The following LRBA variants were observed in gnomAD, a reference collection of about 807,000 sequenced individuals.
LRBA encodes the protein lipopolysaccharide-responsive and beige-like anchor protein.
Under a neutral mutation model 330.0 loss-of-function variants are expected in LRBA, and 176 were observed. The observed-to-expected ratio is 0.53, with a 90% confidence interval of 0.47 to 0.60. LRBA has a LOEUF of 0.60. Among genes scored for constraint, LRBA ranks in the 20% least tolerant of loss-of-function variants. The pLI is 0.00. For synonymous variants in LRBA, 1,230 were observed against 1,193.0 expected, an observed-to-expected ratio of 1.03 and a Z score of -0.64; for missense variants, 3,259 against 3,444.8, an observed-to-expected ratio of 0.95 and a Z score of 1.35.
At chr4:150,997,243 T>C (rs539341130) in intron 2 of LRBA, among the ~76,000 whole-genome samples, 6 of 152,314 alleles carry the variant, frequency 3.9e-5, no homozygotes, top group East Asian at 3.9e-4. Flanking sequence ...CTTGGCTAAA[T>C]TGAAAATTTT....
At chr4:150,909,432 A>C (rs1380238514) in intron 9 of LRBA, among the ~76,000 whole-genome samples, 3 of 152,130 alleles carry the variant, frequency 2.0e-5, no homozygotes, top group African/African-American at 7.2e-5. Flanking sequence ...CAGTTCCTCC[A>C]TGTTTTAGCT....
At chr4:150,887,762 C>T (rs1377032796) in intron 17 of LRBA, among the ~76,000 whole-genome samples, 4 of 104,376 alleles carry the variant, frequency 3.8e-5, no homozygotes, top group Admixed American at 3.2e-4. Flanking sequence ...GAGCACGACT[C>T]CGTCTCAAAA....
At chr4:150,467,469 T>C (rs1415144781) in intron 44 of LRBA, among the ~76,000 whole-genome samples, 3 of 152,120 alleles carry the variant, frequency 2.0e-5, no homozygotes, top group Admixed American at 2.0e-4. Context: ...ATGCACTGAA[T>C]ATCAGTGCTA....
At chr4:150,268,043 G>C (rs1196541317) in intron 56 of LRBA, among the ~76,000 whole-genome samples, 1 of 142,858 alleles carries the variant, frequency 7.0e-6, no homozygotes, top group Admixed American at 7.3e-5. Context: ...CTGGGTGATA[G>C]AGTGAGACTC....
intron 37 of LRBA, among the ~76,000 whole-genome samples, chr4:150,620,608 T>C (rs1009190616): frequency 1.3e-5 from 2 of 152,206 alleles, no homozygotes; most frequent in Non-Finnish European, 2.9e-5. Context: ...GTATACACCA[T>C]GGAATACTAC....
At chr4:150,507,508 G>A (rs974150777) in intron 40 of LRBA, among the ~76,000 whole-genome samples, 2 of 152,150 alleles carry the variant, frequency 1.3e-5, no homozygotes, top group Admixed American at 6.5e-5. Context: ...ATGGTGCTGG[G>A]AAAACTGGCT....
intron 47 of LRBA, among the ~76,000 whole-genome samples, chr4:150,403,201 G>A (rs1020909724): frequency 2.0e-5 from 3 of 152,210 alleles, no homozygotes; most frequent in African/African-American, 4.8e-5. Flanking sequence ...GGCAGGGGAG[G>A]GGTTACAGGC....
chr4:150,940,869 T>C (rs1167439928), intron 2 of LRBA, among the ~76,000 whole-genome samples: 1 of 151,970 alleles, frequency 6.6e-6, no homozygotes, highest in Non-Finnish European at 1.5e-5. Context: ...CTTCTTTTTG[T>C]TTTCTTTCTT....
chr4:150,346,383 A>G (rs1736306916), intron 48 of LRBA, among the ~76,000 whole-genome samples: 1 of 152,010 alleles, frequency 6.6e-6, no homozygotes, highest in Admixed American at 6.6e-5. Flanking sequence ...ACTACTTAGG[A>G]TTGTGGTAAA....
intron 31 of LRBA, among the ~76,000 whole-genome samples, chr4:150,813,699 A>G (rs1486678969): frequency 6.6e-6 from 1 of 152,136 alleles, no homozygotes; most frequent in Non-Finnish European, 1.5e-5. Flanking sequence ...TCTCATTTTG[A>G]TATCAAAATT....
At chr4:150,652,998 G>C (rs762880421) in intron 37 of LRBA, among the ~76,000 whole-genome samples, 9 of 150,468 alleles carry the variant, frequency 6.0e-5, no homozygotes, top group Non-Finnish European at 1.0e-4. Flanking sequence ...ATTTTTTTTT[G>C]CTATTCTAAT....
chr4:150,582,883 C>T, intron 40 of LRBA: 1 of 927,482 alleles, frequency 1.1e-6, no homozygotes, highest in Non-Finnish European at 1.6e-6. Context: ...AGCCGGTCAG[C>T]CCAGGTGGAA....
rs1734198209 is a variant in LRBA at position 150,929,153 on chromosome 4, C to T, written c.217-88G>A. Reference sequence around the variant, plus strand: ...TTCCTAAACATTAGATTAACAATAACTACTCACATTCTTCCTCCACATCAA... The same window carrying T: ...TTCCTAAACATTAGATTAACAATAATTACTCACATTCTTCCTCCACATCAA... On this transcript the variant is annotated intron_variant, in intron 2 of 56. Coordinates refer to ENST00000651943, the MANE Select transcript of LRBA (RefSeq NM_001364905.1). The T allele has an allele frequency of 4.0e-6, 3 of 758,128 alleles. No homozygotes were observed. The Admixed American group carries it at 7.8e-5, about 20-fold the overall frequency. The allele number at this position is 758,128 out of a possible 1,614,324, so 47.0% of individuals were successfully genotyped here. A position where few individuals can be genotyped will look rare whatever the true frequency, so the allele number is the denominator to read the frequency against.
At chr4:150,271,202 T>C (rs1372505681) in intron 56 of LRBA, among the ~76,000 whole-genome samples, 2 of 152,190 alleles carry the variant, frequency 1.3e-5, no homozygotes, top group Admixed American at 1.3e-4. Context: ...TCCCACAGTC[T>C]TCACAACCTG....
intron 34 of LRBA, among the ~76,000 whole-genome samples, chr4:150,793,724 C>A (rs1740339254): frequency 6.6e-6 from 1 of 152,090 alleles, no homozygotes; most frequent in South Asian, 2.1e-4. Context: ...CTGCACAATA[C>A]CTCATTTAGG....
intron 36 of LRBA, among the ~76,000 whole-genome samples, chr4:150,727,454 A>T (rs1729856381): frequency 6.6e-6 from 1 of 152,124 alleles, no homozygotes; most frequent in Non-Finnish European, 1.5e-5. Context: ...TCAGGAACAG[A>T]CCATACGTTA....
intron 28 of LRBA, among the ~76,000 whole-genome samples, chr4:150,834,199 T>C (rs995183245): frequency 3.6e-4 from 55 of 152,352 alleles, no homozygotes; most frequent in African/African-American, 1.3e-3. Context: ...AACATTGATA[T>C]GTTGATTTCT....
intron 23 of LRBA, among the ~76,000 whole-genome samples, chr4:150,851,571 T>C (rs139369094): frequency 5.8e-4 from 89 of 152,340 alleles, no homozygotes; most frequent in African/African-American, 2.1e-3. Flanking sequence ...TAGGATTGGG[T>C]TAGTCAAATA....
intron 37 of LRBA, among the ~76,000 whole-genome samples, chr4:150,612,723 T>C (rs1311505678): frequency 6.6e-6 from 1 of 152,142 alleles, no homozygotes; most frequent in Admixed American, 6.5e-5. Context: ...CCTTAAGAAA[T>C]ACTCATATGA....
Sources: gnomAD v4.1 joint callset for allele counts (sites outside exome capture counted in the v4.1 genomes callset) on GRCh38, gnomAD v4.1.1 for gene constraint, MANE v1.5 for transcripts, NCBI Gene and HGNC (gene_info 2026-07-23, HGNC 2026-07-21) for gene names.